Variants in DTNA observed in about 807,000 individuals in gnomAD.
DTNA encodes dystrophin-related protein 3.
In DTNA, 43 loss-of-function variants were observed where a neutral mutation model predicts 100.7. That is an observed-to-expected ratio of 0.43 (90% CI 0.33 to 0.55). The LOEUF (loss-of-function observed/expected upper bound fraction) is 0.55. Among genes scored for constraint, DTNA ranks in the 20% least tolerant of loss-of-function variants. DTNA has a pLI of 0.04. For missense variants in DTNA, 798 were observed against 953.9 expected, an observed-to-expected ratio of 0.84 and a Z score of 2.15; for synonymous variants, 349 against 347.9, an observed-to-expected ratio of 1.00 and a Z score of -0.04.
At chr18:34,815,307 A>G (rs1243399829) in intron 6 of DTNA, among the ~76,000 whole-genome samples, 1 of 152,182 alleles carries the variant, frequency 6.6e-6, no homozygotes, top group Non-Finnish European at 1.5e-5. Context: ...TACATCCAAA[A>G]GGACCTGGAT....
chr18:34,592,938 C>A (rs2049907399), intron 1 of DTNA, among the ~76,000 whole-genome samples: 1 of 152,120 alleles, frequency 6.6e-6, no homozygotes, highest in Admixed American at 6.5e-5. Context: ...GTTATTCATG[C>A]TGAGTAACAG....
chr18:34,791,447 T>G (rs1056875558), intron 3 of DTNA, among the ~76,000 whole-genome samples: 2 of 152,142 alleles, frequency 1.3e-5, no homozygotes, highest in African/African-American at 4.8e-5. Context: ...ATCCAGAAGA[T>G]TCACAGATCA....
At chr18:34,556,067 A>G (rs1297870333) in intron 1 of DTNA, among the ~76,000 whole-genome samples, 1 of 151,306 alleles carries the variant, frequency 6.6e-6, no homozygotes, top group African/African-American at 2.4e-5. Flanking sequence ...TATTGGGTGC[A>G]TATATATTTA....
intron 1 of DTNA, among the ~76,000 whole-genome samples, chr18:34,750,649 T>A (rs964297838): frequency 6.6e-6 from 1 of 152,200 alleles, no homozygotes; most frequent in Non-Finnish European, 1.5e-5. Context: ...TTCTTGAGTC[T>A]TAAGTTCCTT....
chr18:34,583,049 G>T (rs1025600807), intron 1 of DTNA, among the ~76,000 whole-genome samples: 6 of 152,156 alleles, frequency 3.9e-5, no homozygotes, highest in African/African-American at 1.4e-4. Flanking sequence ...AATTACAAAA[G>T]AATTGTATTT....
chr18:34,560,029 T>C (rs566588649), intron 1 of DTNA, among the ~76,000 whole-genome samples: 84 of 152,300 alleles, frequency 5.5e-4, no homozygotes, highest in African/African-American at 1.9e-3. Context: ...CTTTCCCATA[T>C]AGACTTTTCC....
chr18:34,602,247 T>C (rs1413166428), intron 1 of DTNA, among the ~76,000 whole-genome samples: 1 of 152,214 alleles, frequency 6.6e-6, no homozygotes, highest in African/African-American at 2.4e-5. Flanking sequence ...CTTTGAATTG[T>C]CATTTAAATC....
intron 1 of DTNA, among the ~76,000 whole-genome samples, chr18:34,509,545 A>G (rs1277101538): frequency 2.0e-5 from 3 of 152,120 alleles, no homozygotes; most frequent in African/African-American, 7.2e-5. Flanking sequence ...TGTATACAAA[A>G]TAATGATTTT....
At chr18:34,593,458 T>C (rs751614130) in intron 1 of DTNA, 3 of 152,238 alleles carry the variant, frequency 2.0e-5, no homozygotes, top group Non-Finnish European at 4.4e-5. Flanking sequence ...GTTCTTTAAA[T>C]GAATATGCTT....
chr18:34,644,873 T>C (rs1002575171), intron 1 of DTNA, among the ~76,000 whole-genome samples: 1 of 152,104 alleles, frequency 6.6e-6, no homozygotes, highest in South Asian at 2.1e-4. Context: ...AAACAGCTCA[T>C]CACATTCTTT....
intron 1 of DTNA, among the ~76,000 whole-genome samples, chr18:34,547,446 T>C (rs2044912009): frequency 6.6e-6 from 1 of 152,064 alleles, no homozygotes; most frequent in South Asian, 2.1e-4. Context: ...ATTACTCTAT[T>C]GTATGTGTCA....
intron 1 of DTNA, among the ~76,000 whole-genome samples, chr18:34,749,222 A>G (rs1442388309): frequency 1.3e-5 from 2 of 152,030 alleles, no homozygotes; most frequent in Non-Finnish European, 2.9e-5. Context: ...TTTTTGGACT[A>G]GTCTTTAGGG....
intron 1 of DTNA, among the ~76,000 whole-genome samples, chr18:34,701,900 G>A (rs983019880): frequency 2.6e-5 from 4 of 152,030 alleles, no homozygotes; most frequent in Non-Finnish European, 4.4e-5. Flanking sequence ...CTCCAAACTC[G>A]TTTCACTATC....
chr18:34,723,646 C>T (rs2085892071), intron 1 of DTNA, among the ~76,000 whole-genome samples: 1 of 152,118 alleles, frequency 6.6e-6, no homozygotes. Context: ...GGCCTGTAAT[C>T]CTAGCAATTT....
At chr18:34,863,197 T>C (rs2096651728) in intron 16 of DTNA, among the ~76,000 whole-genome samples, 1 of 152,246 alleles carries the variant, frequency 6.6e-6, no homozygotes, top group African/African-American at 2.4e-5. Context: ...CTCATCATAC[T>C]GTTTCATTTC....
At chr18:34,784,946 T>C (rs2094458200) in intron 3 of DTNA, among the ~76,000 whole-genome samples, 1 of 151,808 alleles carries the variant, frequency 6.6e-6, no homozygotes, top group African/African-American at 2.4e-5. Context: ...TTTTTTTTTT[T>C]TTTTTGAGAT....
intron 1 of DTNA, among the ~76,000 whole-genome samples, chr18:34,660,585 G>A (rs745838962): frequency 1.2e-4 from 18 of 151,988 alleles, no homozygotes; most frequent in East Asian, 1.2e-3. Context: ...GGAGAGAATC[G>A]ACTAAGAGTC....
intron 1 of DTNA, among the ~76,000 whole-genome samples, chr18:34,527,302 C>T (rs2042720865): frequency 6.6e-6 from 1 of 151,940 alleles, no homozygotes; most frequent in Non-Finnish European, 1.5e-5. Context: ...TCATACTTCC[C>T]ACAAACCAAA....
chr18:34,591,364 C>T (rs2049705340), intron 1 of DTNA, among the ~76,000 whole-genome samples: 1 of 152,180 alleles, frequency 6.6e-6, no homozygotes, highest in South Asian at 2.1e-4. Context: ...TGTAGGCCAA[C>T]AAATAACCAT....
Sources: allele counts gnomAD v4.1 joint callset (sites outside exome capture counted in the v4.1 genomes callset), GRCh38; gene constraint gnomAD v4.1.1; transcripts MANE v1.5; gene names NCBI Gene and HGNC (gene_info 2026-07-23, HGNC 2026-07-21).